Variants in MTREX observed in about 807,000 individuals in gnomAD.
MTREX encodes Mtr4 exosome RNA helicase, also known as exosome RNA helicase MTR4.
A neutral mutation model predicts 135.4 loss-of-function variants in MTREX; 76 were observed. The ratio of observed to expected loss-of-function variants is 0.56; its 90% CI spans 0.47 to 0.68. MTREX has a LOEUF of 0.68. Ranked by LOEUF, MTREX falls within the 30% of genes least tolerant of loss-of-function variation. MTREX has a pLI of 0.00. For synonymous variants in MTREX, 404 were observed against 401.6 expected (o/e 1.01, Z -0.07); for missense variants, 920 against 1,262.1 (o/e 0.73, Z 4.11).
rs763592744 is a variant in MTREX, at chr5:55,414,190, G to C, written c.2760G>C (p.Glu920Asp). The change falls in exon 24 of 27, where the codon GAG becomes GAC. Residue 920 changes from glutamate to aspartate, a missense_variant. By Grantham distance (45) the Glu-to-Asp change is conservative. Around this residue, in one of 6 missense-constraint regions of MTREX, gnomAD observed 467 missense variants for 589.7 expected, o/e 0.79. Transcript: ENST00000230640. ...TTCCTTTTCTTTTATAGTCTAGTGAGATGCCCAAATTAACAGAACAATTAG... is the reference window on the plus strand; with the variant it reads ...TTCCTTTTCTTTTATAGTCTAGTGACATGCCCAAATTAACAGAACAATTAG... The part of the protein sequence containing the change: ...SCFVFQENSS[E>D]MPKLTEQLAG... 1 of 1,568,030 alleles carries C rather than the reference G, an allele frequency of 6.4e-7. No homozygotes were observed. Among genetic ancestry groups the C allele is most frequent in the Admixed American group, 2.1e-5 (1 of 47,694 alleles).
chr5:55,405,400 T>C (rs764552720), intron 21 of MTREX, 25 bp from the exon 22 acceptor site: 1 of 1,584,140 alleles, frequency 6.3e-7, no homozygotes, highest in South Asian at 1.1e-5. Flanking sequence ...TTATTGAACT[T>C]TCTTTATACT....
chr5:55,368,638 C>A (rs1170250422), intron 16 of MTREX, among the ~76,000 whole-genome samples: 3 of 152,070 alleles, frequency 2.0e-5, no homozygotes, highest in African/African-American at 7.2e-5. Context: ...GTCGCCTAGG[C>A]TGGAGTGCAG....
chr5:55,315,473 C>T (rs1749183013), intron 1 of MTREX, among the ~76,000 whole-genome samples: 1 of 151,884 alleles, frequency 6.6e-6, no homozygotes, highest in Non-Finnish European at 1.5e-5. Context: ...AACAGATTGC[C>T]CAGATAGTCT....
intron 21 of MTREX, among the ~76,000 whole-genome samples, chr5:55,404,409 C>A (rs745699299): frequency 6.6e-6 from 1 of 152,118 alleles, no homozygotes; most frequent in Non-Finnish European, 1.5e-5. Flanking sequence ...TGAATAAAGG[C>A]CTATTCTCTT....
chr5:55,351,853 T>C (rs1217428319), intron 13 of MTREX, among the ~76,000 whole-genome samples: 1 of 151,810 alleles, frequency 6.6e-6, no homozygotes, highest in East Asian at 1.9e-4. Context: ...TTTTTTTTTT[T>C]TTTTTGAGGC....
intron 25 of MTREX, among the ~76,000 whole-genome samples, chr5:55,422,134 G>A (rs1352893713): frequency 2.0e-5 from 3 of 152,152 alleles, no homozygotes; most frequent in Admixed American, 6.5e-5. Flanking sequence ...GAAGTCAAGC[G>A]TTTTAGATTT....
intron 1 of MTREX, among the ~76,000 whole-genome samples, chr5:55,320,416 A>G (rs1480300209): frequency 6.6e-6 from 1 of 151,976 alleles, no homozygotes; most frequent in Non-Finnish European, 1.5e-5. Flanking sequence ...ACGGGGTTTC[A>G]CCGTGTTAGC....
At chr5:55,397,708 C>G (rs530735649) in intron 20 of MTREX, among the ~76,000 whole-genome samples, 182 bp downstream of exon 20, 1 of 152,272 alleles carries the variant, frequency 6.6e-6, no homozygotes, top group South Asian at 2.1e-4. Flanking sequence ...GATTTGTACT[C>G]TCTTTGAATC....
chr5:55,342,040 G>C (rs1341905566), intron 7 of MTREX, among the ~76,000 whole-genome samples: 1 of 152,062 alleles, frequency 6.6e-6, no homozygotes, highest in East Asian at 1.9e-4. Flanking sequence ...CAAGTAGCTG[G>C]AACTACAGAC....
At chr5:55,378,586 C>T in intron 17 of MTREX, 100 bp downstream of exon 17, 1 of 1,267,964 alleles carries the variant, frequency 7.9e-7, no homozygotes, top group Non-Finnish European at 1.1e-6. Flanking sequence ...AAAATGCTTC[C>T]TGCTACAATA....
intron 21 of MTREX, 91 bp from the exon 22 acceptor site, chr5:55,405,334 A>G: frequency 8.7e-7 from 1 of 1,153,330 alleles, no homozygotes; most frequent in South Asian, 1.5e-5. Flanking sequence ...GATGTTCTTT[A>G]AAAATATTTT....
At chr5:55,324,262 TATG>T in intron 3 of MTREX, 64 bp downstream of exon 3, 1 of 1,148,344 alleles carries the variant, frequency 8.7e-7, no homozygotes, top group Non-Finnish European at 1.3e-6. Flanking sequence ...GACTATCTAG[TATG>T]ATGATCAGCA....
chr5:55,365,017 A>G (rs1750077757), intron 15 of MTREX, among the ~76,000 whole-genome samples: 1 of 152,194 alleles, frequency 6.6e-6, no homozygotes. Context: ...GTAAGTTGGA[A>G]CTATGCTGGG....
chr5:55,390,841 A>G (rs1750554984), intron 19 of MTREX, among the ~76,000 whole-genome samples: 2 of 152,196 alleles, frequency 1.3e-5, no homozygotes, highest in Admixed American at 6.5e-5. Flanking sequence ...TCATGGAATA[A>G]TATTTGCTGT....
intron 16 of MTREX, among the ~76,000 whole-genome samples, chr5:55,375,653 C>T (rs981366536): frequency 1.3e-5 from 2 of 152,114 alleles, no homozygotes; most frequent in Non-Finnish European, 2.9e-5. Flanking sequence ...CGATATACAT[C>T]CTCCTCAGCT....
chr5:55,413,637 G>A (rs1046637097), intron 23 of MTREX, among the ~76,000 whole-genome samples: 1 of 152,026 alleles, frequency 6.6e-6, no homozygotes, highest in Non-Finnish European at 1.5e-5. Context: ...TTCAGCTGTG[G>A]GAAAGCAATA....
intron 18 of MTREX, 32 bp downstream of exon 18, chr5:55,379,227 A>G (rs1218707218): frequency 7.9e-7 from 1 of 1,272,754 alleles, no homozygotes; most frequent in Admixed American, 1.7e-5. Flanking sequence ...AGAATTGTAT[A>G]TCAATTTTTA....
chr5:55,317,741 C>T (rs1027253846), intron 1 of MTREX, among the ~76,000 whole-genome samples: 6 of 152,044 alleles, frequency 3.9e-5, no homozygotes, highest in East Asian at 1.9e-4. Context: ...ACAAGGACAC[C>T]GAAAGCCATT....
chr5:55,399,187 T>G (rs1750686972), intron 20 of MTREX, among the ~76,000 whole-genome samples: 1 of 152,190 alleles, frequency 6.6e-6, no homozygotes, highest in South Asian at 2.1e-4. Flanking sequence ...CCATATGCAC[T>G]TACCAGAGAT....
Sources: allele counts gnomAD v4.1 joint callset (sites outside exome capture counted in the v4.1 genomes callset), GRCh38; gene constraint gnomAD v4.1.1; regional missense constraint gnomAD v4.1.1; transcripts MANE v1.5; gene names NCBI Gene and HGNC (gene_info 2026-07-23, HGNC 2026-07-21).